The following COA1 variants were observed in gnomAD, a reference collection of about 807,000 sequenced individuals.
COA1 encodes cytochrome c oxidase assembly factor 1 homolog.
A neutral mutation model predicts 16.0 loss-of-function variants in COA1; 13 were observed. The observed-to-expected ratio is 0.81, with a 90% CI of 0.53 to 1.29. The LOEUF (loss-of-function observed/expected upper bound fraction) is 1.29. Among genes scored for constraint, COA1 ranks in the 50% most tolerant of loss-of-function variants. The probability of loss-of-function intolerance (pLI) is 0.00; values close to 1 mark genes in which losing one functional copy is unlikely to be tolerated. For synonymous variants in COA1, 65 were observed against 65.7 expected (o/e 0.99, Z 0.05); for missense variants, 179 against 177.0 (o/e 1.01, Z -0.06).
Position 43,647,650 on chromosome 7 carries a change from T to C in COA1, c.16-16A>G. 1 of 1,589,834 alleles carries C rather than the reference T, an allele frequency of 6.3e-7. No individual in the cohort carries two copies. Among genetic ancestry groups the C allele is most frequent in the Non-Finnish European group, 8.6e-7 (1 of 1,158,766 alleles). ...TTCCTGCATACTTAAAAACAAAAGA[T>C]ACAAATTTATTGTAGGATTCCCAGT... On this transcript the variant is annotated splice_polypyrimidine_tract_variant and intron_variant, in intron 2 of 5. Coordinates refer to ENST00000223336, the MANE Select transcript of COA1 (RefSeq NM_018224.4).
intron 1 of COA1, among the ~76,000 whole-genome samples, chr7:43,687,943 C>A (rs1395841375): frequency 6.6e-6 from 1 of 152,186 alleles, no homozygotes; most frequent in Non-Finnish European, 1.5e-5. Flanking sequence ...GTAACTGAAT[C>A]ATGGGGGCCA....
At chr7:43,664,891 G>A (rs183644586) in intron 1 of COA1, among the ~76,000 whole-genome samples, 56 of 152,244 alleles carry the variant, frequency 3.7e-4, no homozygotes, top group African/African-American at 1.3e-3. Flanking sequence ...TTATCATCCT[G>A]CTTACATTTC....
intron 1 of COA1, among the ~76,000 whole-genome samples, chr7:43,661,308 T>C (rs149175427): frequency 6.6e-6 from 1 of 152,248 alleles, no homozygotes; most frequent in East Asian, 1.9e-4. Context: ...GTTACTAGAT[T>C]TGTGGTAGGT....
At chr7:43,668,612 T>C (rs2093040626) in intron 1 of COA1, among the ~76,000 whole-genome samples, 1 of 152,212 alleles carries the variant, frequency 6.6e-6, no homozygotes, top group African/African-American at 2.4e-5. Context: ...ACCCTGCTTA[T>C]TCCTGTGAAT....
chr7:43,690,479 A>G, intron 1 of COA1, among the ~76,000 whole-genome samples: 1 of 152,152 alleles, frequency 6.6e-6, no homozygotes, highest in East Asian at 1.9e-4. Context: ...ATATACACAC[A>G]TACATATATA....
intron 6 of COA1, among the ~76,000 whole-genome samples, chr7:43,628,927 G>A (rs976787214): frequency 4.6e-5 from 7 of 152,148 alleles, no homozygotes; most frequent in Non-Finnish European, 1.5e-5. Context: ...TCTTTAAGAA[G>A]TCTTTGCCTA....
chr7:43,644,781 GGCAGGC>G (rs1429082427), intron 4 of COA1, among the ~76,000 whole-genome samples: 39 of 121,104 alleles, frequency 3.2e-4, no homozygotes, highest in African/African-American at 1.0e-3. Context: ...CAGGCAGGCA[GGCAGGC>G]AGGCAGAGAG....
At chr7:43,694,682 T>G (rs557433624) in intron 1 of COA1, among the ~76,000 whole-genome samples, 1 of 152,342 alleles carries the variant, frequency 6.6e-6, no homozygotes, top group South Asian at 2.1e-4. Flanking sequence ...AACACTGGAA[T>G]AGCCCAGGGC....
At chr7:43,669,427 C>A (rs1429582150) in intron 1 of COA1, among the ~76,000 whole-genome samples, 2 of 152,134 alleles carry the variant, frequency 1.3e-5, no homozygotes, top group Admixed American at 6.5e-5. Context: ...CTTCCCCTCG[C>A]CTCACAGGTG....
chr7:43,709,391 T>A (rs540397159), intron 1 of COA1, among the ~76,000 whole-genome samples: 1 of 151,878 alleles, frequency 6.6e-6, no homozygotes, highest in South Asian at 2.1e-4. Context: ...AGAATTCATT[T>A]GGGGTGTAAT....
chr7:43,691,054 C>CAAAAAAAAAAAAAAAAAAAAAAAAAA (rs1173049196), intron 1 of COA1, among the ~76,000 whole-genome samples: 1 of 40,022 alleles, frequency 2.5e-5, no homozygotes, highest in Non-Finnish European at 4.4e-5. Context: ...CTCATCACTA[C>CAAAAAAAAAAAAAAAAAAAAAAAAAA]AAAAAAAAAA....
chr7:43,662,928 T>C (rs1469916548), intron 1 of COA1, among the ~76,000 whole-genome samples: 3 of 152,196 alleles, frequency 2.0e-5, no homozygotes, highest in Admixed American at 6.5e-5. Flanking sequence ...ATAAATCAAG[T>C]GCCATACCAG....
intron 1 of COA1, among the ~76,000 whole-genome samples, chr7:43,681,189 T>C (rs895234874): frequency 6.6e-6 from 1 of 152,224 alleles, no homozygotes; most frequent in African/African-American, 2.4e-5. Context: ...ATTCATCGTA[T>C]ATAGGATTGA....
intron 5 of COA1, among the ~76,000 whole-genome samples, chr7:43,640,165 A>AG (rs2086691188): frequency 6.6e-6 from 1 of 152,228 alleles, no homozygotes. Context: ...TGGCAACCAG[A>AG]CAAGCAAAGC....
rs776509515 is a variant in COA1 at position 43,712,034 on chromosome 7, C to T, written c.-39+17395G>A. 4.6e-5 allele frequency among the ~76,000 whole-genome samples: 7 copies of T among 152,108 alleles called. No individual in the cohort carries two copies. The South Asian group carries it at 6.2e-4, about 14-fold the overall frequency. On this transcript the variant is annotated intron_variant, in intron 1 of 5. Transcript: ENST00000223336. Reference sequence around the variant, plus strand: ...CCTGATCCCATCCCCTTCCCTCCACCGAGGTAGCTATTATCCTGATTTAAT... The same window carrying T: ...CCTGATCCCATCCCCTTCCCTCCACTGAGGTAGCTATTATCCTGATTTAAT...
intron 1 of COA1, among the ~76,000 whole-genome samples, chr7:43,692,813 C>A (rs906693212): frequency 6.6e-6 from 1 of 152,068 alleles, no homozygotes; most frequent in African/African-American, 2.4e-5. Flanking sequence ...GATGCCCCAC[C>A]CCTCCCAAAC....
Position 43,639,694 on chromosome 7 carries a change from A to C in COA1, c.342-13T>G. ...GTCAAGGTGCCACCTGAGAGAAACCAAAAGTATAGTATCTCTAATCTATGA... is the reference window on the plus strand; with the variant it reads ...GTCAAGGTGCCACCTGAGAGAAACCCAAAGTATAGTATCTCTAATCTATGA... On this transcript the variant is annotated splice_polypyrimidine_tract_variant and intron_variant, in intron 5 of 5. Coordinates refer to ENST00000223336, the MANE Select transcript of COA1 (RefSeq NM_018224.4). 13 of 1,600,662 alleles carry C rather than the reference A, an allele frequency of 8.1e-6. No homozygotes were observed. The highest frequency in any genetic ancestry group is 1.1e-5 in the Non-Finnish European group (13 of 1,168,012).
rs57034448 is a variant in COA1 at position 43,722,516 on chromosome 7, C to T, written c.-39+6913G>A. 9.2e-3 allele frequency among the ~76,000 whole-genome samples: 1,395 copies of T among 152,320 alleles called. 21 individuals carry two copies. The highest frequency in any genetic ancestry group is 0.031 in the African/African-American group (1,303 of 41,582). On this transcript the variant is annotated intron_variant, in intron 1 of 5. Coordinates refer to ENST00000223336, the MANE Select transcript of COA1 (RefSeq NM_018224.4). ...CCAGGTTCAAGAGATTCTTGTGCCTCGTACCAGCTGCGAGTAGCTAGGACT... is the reference window on the plus strand; with the variant it reads ...CCAGGTTCAAGAGATTCTTGTGCCTTGTACCAGCTGCGAGTAGCTAGGACT...
At chr7:43,619,665 A>G (rs1386611567) in intron 6 of COA1, 6 of 1,613,978 alleles carry the variant, frequency 3.7e-6, no homozygotes, top group East Asian at 2.2e-5. Flanking sequence ...TTGGCCTTTC[A>G]AGAATATTGA....
Sources: allele counts gnomAD v4.1 joint callset (sites outside exome capture counted in the v4.1 genomes callset), GRCh38; gene constraint gnomAD v4.1.1; transcripts MANE v1.5; gene names NCBI Gene and HGNC (gene_info 2026-07-23, HGNC 2026-07-21).